ULK4: variants seen among roughly 807,000 people sequenced by gnomAD.
The protein encoded by ULK4 is unc-51 like kinase 4, also known as inactive serine/threonine-protein kinase ULK4.
ULK4 carries 133 observed loss-of-function variants against 160.6 expected under a neutral mutation model. The observed-to-expected ratio is 0.83, with a 90% CI of 0.72 to 0.96. The LOEUF (loss-of-function observed/expected upper bound fraction) is 0.96, where lower values mean the gene tolerates loss of function less well. Among genes scored for constraint, ULK4 ranks in the 40% least tolerant of loss-of-function variants. The pLI is 0.00. For missense variants in ULK4, 1,580 were observed against 1,499.5 expected (o/e 1.05, Z -0.89); for synonymous variants, 534 against 539.8 (o/e 0.99, Z 0.15).
intron 27 of ULK4, among the ~76,000 whole-genome samples, chr3:41,691,568 C>G (rs1241584698): frequency 6.6e-6 from 1 of 151,894 alleles, no homozygotes; most frequent in East Asian, 1.9e-4. Context: ...AACAATACCT[C>G]CCCCAAAGAT....
chr3:41,847,211 G>A (rs2042090703), intron 17 of ULK4, among the ~76,000 whole-genome samples: 1 of 152,104 alleles, frequency 6.6e-6, no homozygotes, highest in Admixed American at 6.5e-5. Context: ...GCCCTGGACT[G>A]CAACTCTTAA....
intron 32 of ULK4, among the ~76,000 whole-genome samples, chr3:41,492,101 T>C (rs1347841830): frequency 1.3e-5 from 2 of 150,962 alleles, no homozygotes; most frequent in Admixed American, 6.7e-5. Flanking sequence ...ATGGTGTATA[T>C]GTGACACATT....
At chr3:41,889,897 T>C (rs1697856326) in intron 16 of ULK4, among the ~76,000 whole-genome samples, 1 of 152,234 alleles carries the variant, frequency 6.6e-6, no homozygotes, top group African/African-American at 2.4e-5. Context: ...AAATGTGGTA[T>C]AGCCACACAA....
chr3:41,338,532 A>G (rs765903081), intron 35 of ULK4, among the ~76,000 whole-genome samples: 2 of 152,112 alleles, frequency 1.3e-5, no homozygotes, highest in African/African-American at 4.8e-5. Context: ...CCTCTGCTTT[A>G]AAATTCCTAA....
Position 41,489,907 on chromosome 3 carries a change from T to C in ULK4, c.3227-26654A>G, listed in dbSNP as rs79677448. Among the ~76,000 whole-genome samples the C allele has an allele frequency of 3.4e-3, 513 of 152,268 alleles. 9 individuals are homozygous for C. The East Asian group carries it at 0.057, about 17-fold the overall frequency. The stretch of plus-strand genomic sequence containing the variant: ...AGTCTCACATAGGAATCTTTTTCTT[T>C]CCCAACTTTATTTATTTACCTGATT... On this transcript the variant is annotated intron_variant, in intron 32 of 36. Coordinates refer to ENST00000301831, the MANE Select transcript of ULK4 (RefSeq NM_017886.4).
At chr3:41,703,553 G>T (rs1439629372) in intron 27 of ULK4, among the ~76,000 whole-genome samples, 1 of 151,274 alleles carries the variant, frequency 6.6e-6, no homozygotes, top group Non-Finnish European at 1.5e-5. Flanking sequence ...TAGAAAAGAA[G>T]AAATATGAAA....
intron 35 of ULK4, among the ~76,000 whole-genome samples, chr3:41,354,016 G>A (rs752825786): frequency 6.6e-6 from 1 of 152,178 alleles, no homozygotes; most frequent in Non-Finnish European, 1.5e-5. Context: ...ACTGTCCCAT[G>A]AGGATCCCAG....
In ULK4 at chr3:41,663,670, G is replaced by C. The variant is rs1252270191; in HGVS notation, c.3008C>G (p.Pro1003Arg). ...CAGTTTCAGAGCATATGCTGGTACT[G>C]GGTCAGGTTCTAAAAGAATGTGCTC... Reference protein sequence around the residue: ...QYEHILLEPDPVPAYALKLLV... With the variant: ...QYEHILLEPDRVPAYALKLLV... Residue 1003 changes from proline to arginine, a missense_variant, in exon 30 of 37, where the codon CCA (proline) becomes CGA (arginine). Physicochemically the swap from Pro to Arg is moderately radical, Grantham distance 103. Coordinates refer to ENST00000301831, the MANE Select transcript of ULK4 (RefSeq NM_017886.4). 1.2e-6 allele frequency: 2 copies of C among 1,613,890 alleles called. No homozygotes were observed. Among genetic ancestry groups the C allele is most frequent in the Admixed American group, 3.3e-5 (2 of 60,030 alleles).
At chr3:41,727,200 C>T (rs1289851629) in intron 22 of ULK4, among the ~76,000 whole-genome samples, 1 of 152,152 alleles carries the variant, frequency 6.6e-6, no homozygotes, top group Non-Finnish European at 1.5e-5. Flanking sequence ...TCAGCAAGTC[C>T]TATGCCTAAT....
In ULK4 at chr3:41,961,550, A is replaced by ACCCCCCCCCCCCCCCCCCCC. The variant is rs201424516; in HGVS notation, c.-49+446_-49+465dup. The stretch of plus-strand genomic sequence containing the variant: ...ACTCAGGGGCGCTACGTAGTCACTC[A>ACCCCCCCCCCCCCCCCCCCC]CCCCCCCCCCCCCCCCCCCCGCTCC... On this transcript the variant is annotated intron_variant, in intron 1 of 36. Coordinates refer to ENST00000301831, the MANE Select transcript of ULK4 (RefSeq NM_017886.4). 3.2e-5 allele frequency among the ~76,000 whole-genome samples: 4 copies of ACCCCCCCCCCCCCCCCCCCC among 124,720 alleles called. 1 individual carries two copies. Among genetic ancestry groups the ACCCCCCCCCCCCCCCCCCCC allele is most frequent in the African/African-American group, 8.5e-5 (2 of 23,490 alleles). The allele number at this position is 124,720 out of a possible 152,430, so 81.8% of individuals were successfully genotyped here.
chr3:41,352,112 G>A (rs2080922655), intron 35 of ULK4, among the ~76,000 whole-genome samples: 1 of 152,174 alleles, frequency 6.6e-6, no homozygotes, highest in African/African-American at 2.4e-5. Flanking sequence ...ATTTGAAGGA[G>A]GGAGCTTGGA....
intron 31 of ULK4, among the ~76,000 whole-genome samples, chr3:41,582,947 T>G (rs902070568): frequency 2.6e-5 from 4 of 152,360 alleles, no homozygotes; most frequent in Admixed American, 1.3e-4. Flanking sequence ...TTACTTTTGT[T>G]TTCAACTTTA....
chr3:41,291,615 A>C (rs774500767), intron 35 of ULK4, among the ~76,000 whole-genome samples: 11 of 152,160 alleles, frequency 7.2e-5, no homozygotes, highest in Non-Finnish European at 1.5e-4. Flanking sequence ...AAGAATGGAT[A>C]AGCAAACTAT....
intron 31 of ULK4, among the ~76,000 whole-genome samples, chr3:41,568,064 T>C (rs1331204211): frequency 2.0e-5 from 3 of 152,216 alleles, no homozygotes; most frequent in African/African-American, 7.2e-5. Flanking sequence ...TCAAGGATCC[T>C]ATTTTACACT....
intron 34 of ULK4, among the ~76,000 whole-genome samples, chr3:41,446,121 A>AGC (rs2083291774): frequency 6.6e-6 from 1 of 152,242 alleles, no homozygotes; most frequent in Admixed American, 6.5e-5. Context: ...CACACATGAA[A>AGC]AAAATGCTCA....
At chr3:41,616,231 T>C (rs892058026) in intron 30 of ULK4, among the ~76,000 whole-genome samples, 4 of 152,176 alleles carry the variant, frequency 2.6e-5, no homozygotes, top group Admixed American at 6.5e-5. Context: ...TAGTTATCAA[T>C]TGTCATCAAT....
chr3:41,449,204 C>T (rs2083371180), intron 34 of ULK4, among the ~76,000 whole-genome samples: 2 of 151,720 alleles, frequency 1.3e-5, no homozygotes, highest in South Asian at 2.1e-4. Flanking sequence ...AGTTGTGAGC[C>T]ACCATGCCCG....
chr3:41,681,909 A>ATC, intron 27 of ULK4, 105 bp from the exon 28 acceptor site: 1 of 1,204,592 alleles, frequency 8.3e-7, no homozygotes, highest in South Asian at 1.4e-5. Context: ...CAAAGGAGTG[A>ATC]AAAAAAGCAA....
intron 34 of ULK4, among the ~76,000 whole-genome samples, chr3:41,437,216 G>A (rs928199722): frequency 9.2e-5 from 14 of 152,186 alleles, no homozygotes; most frequent in Admixed American, 7.9e-4. Context: ...CAGAGCTGGT[G>A]AATATTCATG....
Sources: allele counts gnomAD v4.1 joint callset (sites outside exome capture counted in the v4.1 genomes callset), GRCh38; gene constraint gnomAD v4.1.1; transcripts MANE v1.5; gene names NCBI Gene and HGNC (gene_info 2026-07-23, HGNC 2026-07-21).